The following ITSN1 variants were observed in gnomAD, a reference collection of about 807,000 sequenced individuals.
The protein encoded by ITSN1 is intersectin 1, also known as intersectin-1.
Under a neutral mutation model 239.8 loss-of-function variants are expected in ITSN1, and 58 were observed. The ratio of observed to expected loss-of-function variants is 0.24; its 90% confidence interval spans 0.20 to 0.30. The LOEUF is 0.30. Among genes scored for constraint, ITSN1 ranks in the 10% least tolerant of loss-of-function variants. The probability of loss-of-function intolerance (pLI) is 1.00; values close to 1 mark genes in which losing one functional copy is unlikely to be tolerated. For synonymous variants in ITSN1, 780 were observed against 770.8 expected (o/e 1.01, Z -0.20); for missense variants, 1,558 against 2,103.3 (o/e 0.74, Z 5.07).
At chr21:33,709,279 GTCT>G (rs1465291630) in intron 1 of ITSN1, among the ~76,000 whole-genome samples, 4 of 152,056 alleles carry the variant, frequency 2.6e-5, no homozygotes, top group African/African-American at 9.7e-5. Flanking sequence ...ATTTATTTAG[GTCT>G]TCTTTAAGTT....
intron 27 of ITSN1, among the ~76,000 whole-genome samples, chr21:33,831,586 T>C (rs1165672589): frequency 7.2e-5 from 11 of 151,938 alleles, no homozygotes. Flanking sequence ...TCCTGAGGAA[T>C]GGAGGTTGGA....
chr21:33,799,889 G>A lies in ITSN1; in HGVS notation c.2264G>A (p.Ser755Asn). 6.2e-7 allele frequency: 1 copy of A among 1,613,956 alleles called. No individual in the cohort carries two copies. The highest frequency in any genetic ancestry group is 8.5e-7 in the Non-Finnish European group (1 of 1,179,962). ...GCACTGTACCCCTTTGAATCCAGAA[G>A]CCATGATGAAATCACTATCCAGCCA... Reference protein sequence around the residue: ...YRALYPFESRSHDEITIQPGD... With the variant: ...YRALYPFESRNHDEITIQPGD... Residue 755 changes from serine (S) to asparagine (N), a missense_variant, in exon 19 of 40, where the codon AGC becomes AAC. Ser to Asn is a conservative substitution (Grantham distance 46, BLOSUM62 1). Around this residue, in one of 2 missense-constraint regions of ITSN1, gnomAD observed 982 missense variants for 1,209.9 expected, o/e 0.81. Coordinates refer to ENST00000381318, the MANE Select transcript of ITSN1 (RefSeq NM_003024.3).
chr21:33,679,824 A>G (rs1311062096), intron 1 of ITSN1, among the ~76,000 whole-genome samples: 1 of 149,026 alleles, frequency 6.7e-6, no homozygotes, highest in Non-Finnish European at 1.5e-5. Flanking sequence ...CAGCCTCCCA[A>G]GTAGCTGGGA....
intron 1 of ITSN1, among the ~76,000 whole-genome samples, chr21:33,645,023 T>C (rs955931347): frequency 1.4e-4 from 21 of 152,086 alleles, no homozygotes; most frequent in African/African-American, 4.8e-4. Context: ...GGTCTCTCTG[T>C]GTTGCTCAGG....
At chr21:33,764,550 A>G (rs1225818531) in intron 9 of ITSN1, among the ~76,000 whole-genome samples, 1 of 152,176 alleles carries the variant, frequency 6.6e-6, no homozygotes, top group Non-Finnish European at 1.5e-5. Flanking sequence ...CTACAATCAG[A>G]TGTGGAATTT....
At chr21:33,866,638 G>A (rs1233808291) in intron 32 of ITSN1, among the ~76,000 whole-genome samples, 1 of 152,214 alleles carries the variant, frequency 6.6e-6, no homozygotes, top group East Asian at 1.9e-4. Context: ...CAGGGCTCCA[G>A]TCAATGCAGC....
chr21:33,732,246 C>T (rs560119225), intron 4 of ITSN1, among the ~76,000 whole-genome samples: 5 of 152,284 alleles, frequency 3.3e-5, no homozygotes, highest in African/African-American at 7.2e-5. Flanking sequence ...CTTTAAGAGC[C>T]TCCTTTATCA....
At chr21:33,771,985 C>A in intron 11 of ITSN1, 76 bp from the exon 12 acceptor site, 1 of 1,520,384 alleles carries the variant, frequency 6.6e-7, no homozygotes, top group Non-Finnish European at 8.9e-7. Flanking sequence ...ATTTCAAATA[C>A]ATTGGTGAGT....
intron 16 of ITSN1, among the ~76,000 whole-genome samples, chr21:33,782,608 T>G (rs1437860007): frequency 2.0e-5 from 3 of 152,234 alleles, no homozygotes; most frequent in African/African-American, 7.2e-5. Flanking sequence ...TGTATGGTTT[T>G]GTCACATTTG....
chr21:33,883,703 C>G (rs906300055), intron 36 of ITSN1, 32 bp downstream of exon 36: 40 of 1,607,974 alleles, frequency 2.5e-5, no homozygotes, highest in Non-Finnish European at 3.4e-5. Context: ...GCATGGGCCC[C>G]AGGGCTCCAC....
chr21:33,708,614 G>A (rs966022423), intron 1 of ITSN1, among the ~76,000 whole-genome samples: 1 of 152,172 alleles, frequency 6.6e-6, no homozygotes, highest in African/African-American at 2.4e-5. Context: ...TGGAACTCCG[G>A]ACCTCAGGTG....
intron 5 of ITSN1, among the ~76,000 whole-genome samples, chr21:33,743,424 C>A (rs1032589954): frequency 1.3e-5 from 2 of 152,314 alleles, no homozygotes; most frequent in East Asian, 1.9e-4. Context: ...TGAGATCACA[C>A]CACTGCACTC....
Position 33,844,554 on chromosome 21 carries a change from G to A in ITSN1, c.3661+7922G>A, listed in dbSNP as rs1023505768. On this transcript the variant is annotated intron_variant, in intron 29 of 39. Coordinates refer to ENST00000381318, the MANE Select transcript of ITSN1 (RefSeq NM_003024.3). ...CAATCATCCAGCTTAGATAAGGGGC[G>A]TGGGCTGCTGGGGAATGCTGCCCCA... 7.9e-5 allele frequency among the ~76,000 whole-genome samples: 12 copies of A among 152,168 alleles called. No individual in the cohort carries two copies. The East Asian group carries it at 1.9e-3, about 24-fold the overall frequency.
intron 1 of ITSN1, among the ~76,000 whole-genome samples, chr21:33,682,766 C>T (rs1166545226): frequency 6.6e-6 from 1 of 152,120 alleles, no homozygotes; most frequent in Non-Finnish European, 1.5e-5. Context: ...AGGTGATCCA[C>T]TCACCTCGGC....
chr21:33,868,327 G>A (rs1189871941), intron 33 of ITSN1, among the ~76,000 whole-genome samples: 1 of 152,344 alleles, frequency 6.6e-6, no homozygotes, highest in African/African-American at 2.4e-5. Context: ...GCACTCCTCA[G>A]GCCTTGGGTG....
chr21:33,821,101 C>CGA (rs1026628759), intron 24 of ITSN1, among the ~76,000 whole-genome samples: 18 of 152,212 alleles, frequency 1.2e-4, no homozygotes, highest in African/African-American at 4.1e-4. Flanking sequence ...GTTTTTGCTT[C>CGA]ATTCCCTGGA....
At chr21:33,695,610 T>TG (rs2091758213) in intron 1 of ITSN1, among the ~76,000 whole-genome samples, 6 of 152,364 alleles carry the variant, frequency 3.9e-5, no homozygotes, top group Non-Finnish European at 7.3e-5. Context: ...ATAAATTAGA[T>TG]TATAAACCAA....
chr21:33,681,794 C>T (rs1351165027), intron 1 of ITSN1, among the ~76,000 whole-genome samples: 1 of 151,780 alleles, frequency 6.6e-6, no homozygotes, highest in Non-Finnish European at 1.5e-5. Flanking sequence ...CCTCAGCCTC[C>T]TGAGTAGCTG....
chr21:33,658,511 G>A (rs902878083), intron 1 of ITSN1, among the ~76,000 whole-genome samples: 1 of 152,192 alleles, frequency 6.6e-6, no homozygotes, highest in Non-Finnish European at 1.5e-5. Context: ...TGGTATTTGT[G>A]TATCGAGACA....
Sources: gnomAD v4.1 joint callset for allele counts (sites outside exome capture counted in the v4.1 genomes callset) on GRCh38, gnomAD v4.1.1 for gene constraint, gnomAD v4.1.1 regional missense constraint, MANE v1.5 for transcripts, NCBI Gene and HGNC (gene_info 2026-07-23, HGNC 2026-07-21) for gene names.